The following TLL1 variants were observed in gnomAD, a reference collection of about 807,000 sequenced individuals.
TLL1 encodes tolloid like 1.
Under a neutral mutation model 128.2 loss-of-function variants are expected in TLL1, and 49 were observed. The ratio of observed to expected loss-of-function variants is 0.38; its 90% CI spans 0.30 to 0.48. The LOEUF (loss-of-function observed/expected upper bound fraction) is 0.48. Ranked by LOEUF, TLL1 falls within the 20% of genes least tolerant of loss-of-function variation. TLL1 has a pLI of 0.96. For synonymous variants in TLL1, 454 were observed against 418.8 expected (o/e 1.08, Z -1.03); for missense variants, 1,123 against 1,242.0 (o/e 0.90, Z 1.44).
At chr4:165,891,136 G>T (rs1171954423) in intron 1 of TLL1, among the ~76,000 whole-genome samples, 1 of 152,094 alleles carries the variant, frequency 6.6e-6, no homozygotes, top group African/African-American at 2.4e-5. Context: ...GTGTTGAGAC[G>T]CACAGAGCAG....
intron 1 of TLL1, among the ~76,000 whole-genome samples, chr4:165,892,484 T>C (rs1319472900): frequency 6.6e-6 from 1 of 152,224 alleles, no homozygotes; most frequent in Non-Finnish European, 1.5e-5. Flanking sequence ...TATGTATGAA[T>C]AGAGATGCCC....
chr4:166,093,760 G>A (rs1292277059), intron 19 of TLL1, among the ~76,000 whole-genome samples: 3 of 152,154 alleles, frequency 2.0e-5, no homozygotes, highest in Admixed American at 2.0e-4. Flanking sequence ...AGGTCCCTGC[G>A]GCTTTCCGCA....
Position 166,103,955 on chromosome 4 carries a change from TA to T in TLL1, c.*3081del, listed in dbSNP as rs1742402516. 3 of 151,740 alleles carry T rather than the reference TA, an allele frequency of 2.0e-5. No homozygotes were observed. The allele number at this position is 151,740 out of a possible 1,614,324, so 9.4% of individuals were successfully genotyped here. ...CGTGACTTAACTTAAATGGACAAAA[TA>T]ACTTTTTAAAAGAAATGGATGAGAA... On this transcript the variant is annotated 3_prime_UTR_variant, in exon 21 of 21. Transcript: ENST00000061240.
At chr4:166,098,603 G>A (rs1213973131) in intron 19 of TLL1, among the ~76,000 whole-genome samples, 1 of 151,992 alleles carries the variant, frequency 6.6e-6, no homozygotes, top group Admixed American at 6.6e-5. Context: ...TGGATAGGTT[G>A]TAGAACTGCG....
chr4:166,045,522 G>A (rs182726770), intron 12 of TLL1, among the ~76,000 whole-genome samples: 158 of 152,070 alleles, frequency 1.0e-3, no homozygotes, highest in African/African-American at 3.7e-3. Flanking sequence ...GGAACTCACA[G>A]GAAGAACCTC....
At chr4:166,036,356 G>C (rs183976523) in intron 9 of TLL1, among the ~76,000 whole-genome samples, 1 of 152,078 alleles carries the variant, frequency 6.6e-6, no homozygotes, top group Non-Finnish European at 1.5e-5. Flanking sequence ...TCTTAAAATT[G>C]TTCCCTCAAT....
chr4:165,918,825 T>A (rs969992523), intron 1 of TLL1, among the ~76,000 whole-genome samples: 5 of 152,090 alleles, frequency 3.3e-5, no homozygotes, highest in African/African-American at 1.2e-4. Context: ...TGACCCCAGA[T>A]GAATCACCCA....
rs1475026846 is a variant in TLL1, at chr4:166,022,461, C to G, written c.1043-2855C>G. ...AAAGTGCTGAGATTACAGGCATGAG[C>G]CCACTGTGCCCGGCCAAGTTTATCT... is the stretch of plus-strand genomic sequence containing the variant. On this transcript the variant is annotated intron_variant, in intron 8 of 20. Coordinates refer to ENST00000061240, the MANE Select transcript of TLL1 (RefSeq NM_012464.5). Among the ~76,000 whole-genome samples the G allele has an allele frequency of 3.9e-5, 6 of 152,114 alleles. No individual in the cohort carries two copies. The East Asian group carries it at 1.2e-3, about 29-fold the overall frequency.
At chr4:165,875,740 G>A (rs1730697212) in intron 1 of TLL1, among the ~76,000 whole-genome samples, 1 of 152,098 alleles carries the variant, frequency 6.6e-6, no homozygotes, top group African/African-American at 2.4e-5. Context: ...CTTGTTTGTG[G>A]TAAGGTAGAG....
intron 19 of TLL1, among the ~76,000 whole-genome samples, chr4:166,095,775 A>G (rs560785539): frequency 1.3e-5 from 2 of 152,146 alleles, no homozygotes; most frequent in African/African-American, 2.4e-5. Context: ...TACCTTTCTT[A>G]TTCAGCTTCA....
Position 166,044,921 on chromosome 4 carries a change from C to T in TLL1, c.1524+1502C>T, listed in dbSNP as rs144809599. The stretch of plus-strand genomic sequence containing the variant: ...GAAAACTGATGCATGAAGTTGCTAC[C>T]TTAGTTGATTTGTAGTTTATTTTTT... On this transcript the variant is annotated intron_variant, in intron 12 of 20. Coordinates refer to ENST00000061240, the MANE Select transcript of TLL1 (RefSeq NM_012464.5). 3.5e-3 allele frequency among the ~76,000 whole-genome samples: 532 copies of T among 152,192 alleles called. 5 individuals carry two copies. Among genetic ancestry groups the T allele is most frequent in the African/African-American group, 0.012 (503 of 41,536 alleles).
rs1161045581 is a variant in TLL1 at position 166,104,308 on chromosome 4, A to G, written c.*3432A>G. Reference sequence around the variant, plus strand: ...TAGAAGGACTGCAACCCTATGTGACATTATAACTTACTTAAAACAGTTATC... The same window carrying G: ...TAGAAGGACTGCAACCCTATGTGACGTTATAACTTACTTAAAACAGTTATC... On this transcript the variant is annotated 3_prime_UTR_variant, in exon 21 of 21. Transcript: ENST00000061240. 1.3e-5 allele frequency among the ~76,000 whole-genome samples: 2 copies of G among 151,996 alleles called. No homozygotes were observed. Among genetic ancestry groups the G allele is most frequent in the Admixed American group, 1.3e-4 (2 of 15,220 alleles).
chr4:165,897,840 G>A lies in TLL1; in HGVS notation c.169+23767G>A, dbSNP rs150011764. Among the ~76,000 whole-genome samples, 1,389 of 151,834 alleles carry A rather than the reference G, an allele frequency of 9.1e-3. 22 individuals are homozygous for A. The highest frequency in any genetic ancestry group is 0.032 in the African/African-American group (1,306 of 41,436). The stretch of plus-strand genomic sequence containing the variant: ...TGGGCAGTATGGCCATTTTCATGAT[G>A]TTGATTTTTCCTACCCATGAGCATG... On this transcript the variant is annotated intron_variant, in intron 1 of 20. Coordinates refer to ENST00000061240, the MANE Select transcript of TLL1 (RefSeq NM_012464.5).
At chr4:165,984,418 T>C (rs1229027535) in intron 1 of TLL1, among the ~76,000 whole-genome samples, 2 of 152,050 alleles carry the variant, frequency 1.3e-5, no homozygotes, top group Admixed American at 6.6e-5. Flanking sequence ...TTACTTTTCC[T>C]TGGGAATTTG....
chr4:165,965,782 T>C (rs917187517), intron 1 of TLL1, among the ~76,000 whole-genome samples: 1 of 152,192 alleles, frequency 6.6e-6, no homozygotes, highest in Non-Finnish European at 1.5e-5. Flanking sequence ...CTTTACTATA[T>C]TGCCATCTAA....
At chr4:165,894,031 A>G (rs1199935352) in intron 1 of TLL1, among the ~76,000 whole-genome samples, 1 of 152,232 alleles carries the variant, frequency 6.6e-6, no homozygotes, top group East Asian at 1.9e-4. Flanking sequence ...GGAAATGTTT[A>G]TCATTAGACA....
chr4:165,969,147 G>A (rs367954793), intron 1 of TLL1, among the ~76,000 whole-genome samples: 20 of 152,050 alleles, frequency 1.3e-4, no homozygotes, highest in East Asian at 9.7e-4. Flanking sequence ...TTTGATAACC[G>A]TGGGACGTTT....
chr4:166,079,118 T>C (rs916917059), intron 18 of TLL1, among the ~76,000 whole-genome samples: 2 of 152,290 alleles, frequency 1.3e-5, no homozygotes, highest in Non-Finnish European at 2.9e-5. Context: ...AATGCTGAAA[T>C]GACAGCACTA....
chr4:166,045,606 G>A (rs1739427821), intron 12 of TLL1, among the ~76,000 whole-genome samples: 1 of 152,076 alleles, frequency 6.6e-6, no homozygotes, highest in Admixed American at 6.6e-5. Flanking sequence ...ATGTACGTTA[G>A]ATTATGACAC....
Sources: allele counts gnomAD v4.1 joint callset (sites outside exome capture counted in the v4.1 genomes callset), GRCh38; gene constraint gnomAD v4.1.1; transcripts MANE v1.5; gene names NCBI Gene and HGNC (gene_info 2026-07-23, HGNC 2026-07-21).